FBXL13: variants seen among roughly 807,000 people sequenced by gnomAD.
FBXL13 encodes the protein F-box and leucine rich repeat protein 13, also known as F-box and leucine-rich repeat protein 13.
In FBXL13, 67 loss-of-function variants were observed where a neutral mutation model predicts 83.6. That is an observed-to-expected ratio of 0.80 (90% CI 0.66 to 0.98). The LOEUF is 0.98. FBXL13 is among the 50% of genes least tolerant of loss of function. The pLI, the probability that FBXL13 is intolerant of heterozygous loss-of-function variation, is 0.00. For missense variants in FBXL13, 822 were observed against 866.5 expected (o/e 0.95, Z 0.64); for synonymous variants, 272 against 299.5 (o/e 0.91, Z 0.95).
intron 6 of FBXL13, among the ~76,000 whole-genome samples, chr7:103,003,291 T>TG (rs1252107904): frequency 8.0e-6 from 1 of 125,012 alleles, no homozygotes; most frequent in Non-Finnish European, 1.7e-5. Context: ...TTTTTTTTTT[T>TG]TTTTTTTTTT....
At chr7:102,856,971 T>G (rs1193128233) in intron 16 of FBXL13, among the ~76,000 whole-genome samples, 2 of 152,200 alleles carry the variant, frequency 1.3e-5, no homozygotes, top group Non-Finnish European at 2.9e-5. Context: ...TATAATAAAA[T>G]CCATGCATTC....
At chr7:102,903,944 T>TTTTC (rs1563068153) in intron 11 of FBXL13, among the ~76,000 whole-genome samples, 164 of 47,748 alleles carry the variant, frequency 3.4e-3, no homozygotes, top group African/African-American at 0.018. Context: ...CTTTTCTTTT[T>TTTTC]TTTTTTTTTT....
At chr7:102,966,827 T>A (rs1036344413) in intron 7 of FBXL13, among the ~76,000 whole-genome samples, 1 of 152,254 alleles carries the variant, frequency 6.6e-6, no homozygotes, top group Non-Finnish European at 1.5e-5. Context: ...GGAAATTGCA[T>A]GTTCACAAAT....
rs914750554 is a variant in FBXL13 at position 103,053,537 on chromosome 7, C to T, written c.-1+2107G>A. Among the ~76,000 whole-genome samples, 34 of 152,136 alleles carry T rather than the reference C, an allele frequency of 2.2e-4. 1 individual carries two copies. Among genetic ancestry groups the T allele is most frequent in the Admixed American group, 6.5e-5 (1 of 15,280 alleles). ...GCCTGATTTTATATAAGGTCTTTGT[C>T]GTAATATTGACAATAGGGTTTACCA... On this transcript the variant is annotated intron_variant, in intron 2 of 19. Transcript: ENST00000313221.
intron 2 of FBXL13, among the ~76,000 whole-genome samples, chr7:103,049,057 G>C (rs1796555989): frequency 6.6e-6 from 1 of 151,980 alleles, no homozygotes; most frequent in Admixed American, 6.6e-5. Context: ...CAACATGCTT[G>C]GTCTTTCTGA....
chr7:102,907,646 G>A (rs990158981), intron 11 of FBXL13, among the ~76,000 whole-genome samples: 1 of 152,130 alleles, frequency 6.6e-6, no homozygotes, highest in African/African-American at 2.4e-5. Flanking sequence ...CAAAGGACAT[G>A]AACTCATCCC....
chr7:102,967,396 C>T (rs962776944), intron 7 of FBXL13, among the ~76,000 whole-genome samples: 1 of 152,164 alleles, frequency 6.6e-6, no homozygotes, highest in African/African-American at 2.4e-5. Flanking sequence ...ACTCAGCCTC[C>T]TGAGTAACTG....
rs772612349 is a variant in FBXL13, at chr7:103,055,624, A to G, written c.-1+20T>C. The G allele has an allele frequency of 8.9e-6, 10 of 1,125,852 alleles. No individual in the cohort carries two copies. Among genetic ancestry groups the G allele is most frequent in the Non-Finnish European group, 1.2e-5 (10 of 861,424 alleles). The allele number at this position is 1,125,852 out of a possible 1,614,324, so 69.7% of individuals were successfully genotyped here. On this transcript the variant is annotated intron_variant, in intron 2 of 19. Coordinates refer to ENST00000313221, the Ensembl canonical transcript of FBXL13. ...TTCAAAATAAAATATTTCCCTATCA[A>G]AAATCAAAACAATACTTACCAAAGA...
chr7:102,821,781 C>A (rs1798839748), intron 19 of FBXL13, among the ~76,000 whole-genome samples: 1 of 152,036 alleles, frequency 6.6e-6, no homozygotes, highest in South Asian at 2.1e-4. Context: ...AGAGGAAGAG[C>A]TAGAGTTAAA....
intron 2 of FBXL13, among the ~76,000 whole-genome samples, chr7:103,048,830 A>G (rs1796536085): frequency 6.6e-6 from 1 of 152,228 alleles, no homozygotes; most frequent in South Asian, 2.1e-4. Flanking sequence ...ATTTAAAACA[A>G]TCCTTTAACC....
intron 11 of FBXL13, among the ~76,000 whole-genome samples, chr7:102,896,426 A>C (rs1187595160): frequency 1.3e-5 from 2 of 152,244 alleles, no homozygotes; most frequent in African/African-American, 4.8e-5. Flanking sequence ...TAGATTCTGC[A>C]GGAATAGTCA....
intron 19 of FBXL13, among the ~76,000 whole-genome samples, chr7:102,818,146 A>G (rs1448617134): frequency 2.0e-5 from 3 of 152,232 alleles, no homozygotes; most frequent in Admixed American, 6.5e-5. Flanking sequence ...GCCACCACCA[A>G]GGACTGCTCA....
intron 8 of FBXL13, among the ~76,000 whole-genome samples, chr7:102,945,268 G>A (rs1327485178): frequency 2.0e-5 from 3 of 152,178 alleles, no homozygotes; most frequent in Non-Finnish European, 4.4e-5. Context: ...AATAACAGCT[G>A]TAGATGGTGT....
At chr7:102,978,588 C>G in intron 6 of FBXL13, 1 of 170,260 alleles carries the variant, frequency 5.9e-6, no homozygotes, top group Non-Finnish European at 1.3e-5. Flanking sequence ...ACCCCTGCCC[C>G]CTACTCATTT....
intron 6 of FBXL13, among the ~76,000 whole-genome samples, chr7:102,999,964 C>A (rs12539077): frequency 0.057 from 8,643 of 151,916 alleles, 290 homozygotes; most frequent in South Asian, 0.11. Context: ...TTTCCAGTTT[C>A]TTGAGGTGGA....
intron 16 of FBXL13, among the ~76,000 whole-genome samples, chr7:102,863,101 C>T (rs1807095697): frequency 6.6e-6 from 1 of 152,210 alleles, no homozygotes; most frequent in African/African-American, 2.4e-5. Flanking sequence ...AACTGGAAGC[C>T]ATGAGATTTC....
At chr7:102,818,623 G>A (rs1307867596) in intron 19 of FBXL13, among the ~76,000 whole-genome samples, 4 of 152,102 alleles carry the variant, frequency 2.6e-5, no homozygotes, top group Admixed American at 1.3e-4. Flanking sequence ...GGGACTGTCC[G>A]AGTTTAAGCT....
intron 7 of FBXL13, among the ~76,000 whole-genome samples, chr7:102,964,390 CTATA>C (rs371731702): frequency 7.1e-6 from 1 of 140,482 alleles, no homozygotes; most frequent in Non-Finnish European, 1.5e-5. Context: ...AATTTTGTGA[CTATA>C]TATATATATA....
intron 8 of FBXL13, chr7:102,939,335 T>C: frequency 9.1e-7 from 1 of 1,093,172 alleles, no homozygotes; most frequent in Admixed American, 2.3e-5. Context: ...CCCCTTCTCT[T>C]TAAGAGCTGA....
Sources: gnomAD v4.1 joint callset for allele counts (sites outside exome capture counted in the v4.1 genomes callset) on GRCh38, gnomAD v4.1.1 for gene constraint, MANE v1.5 for transcripts, NCBI Gene and HGNC (gene_info 2026-07-23, HGNC 2026-07-21) for gene names.